Variants in BRF1 observed in about 807,000 individuals in gnomAD.
BRF1 encodes transcription factor IIIB 90 kDa subunit.
BRF1 carries 59 observed loss-of-function variants against 81.7 expected under a neutral mutation model. That is an observed-to-expected ratio of 0.72 (90% CI 0.59 to 0.90). BRF1 has a LOEUF of 0.90. Ranked by LOEUF, BRF1 falls within the 40% of genes least tolerant of loss-of-function variation. The pLI, the probability that BRF1 is intolerant of heterozygous loss-of-function variation, is 0.00. For synonymous variants in BRF1, 491 were observed against 395.6 expected, an observed-to-expected ratio of 1.24 and a Z score of -2.86; for missense variants, 1,050 against 936.3, an observed-to-expected ratio of 1.12 and a Z score of -1.58.
intron 7 of BRF1, chr14:105,228,083 T>C (rs1958048277): frequency 6.6e-6 from 1 of 152,094 alleles, no homozygotes; most frequent in Non-Finnish European, 1.5e-5. Flanking sequence ...CGCCACTCAT[T>C]TCACTGATGC....
chr14:105,224,802 C>A (rs1160991555), intron 10 of BRF1, among the ~76,000 whole-genome samples: 1 of 152,192 alleles, frequency 6.6e-6, no homozygotes, highest in Non-Finnish European at 1.5e-5. Context: ...GTATTTGCCT[C>A]CCAAAGTGCT....
At chr14:105,287,678 A>G (rs1372452121) in intron 1 of BRF1, among the ~76,000 whole-genome samples, 1 of 152,260 alleles carries the variant, frequency 6.6e-6, no homozygotes, top group African/African-American at 2.4e-5. Context: ...GGCAGCCACC[A>G]GCACAGACAA....
intron 15 of BRF1, among the ~76,000 whole-genome samples, chr14:105,216,523 G>A (rs1045979430): frequency 4.0e-5 from 6 of 151,554 alleles, no homozygotes; most frequent in Non-Finnish European, 7.4e-5. Context: ...GGGCTGAGAC[G>A]CCGGCTGAGA....
intron 2 of BRF1, among the ~76,000 whole-genome samples, chr14:105,283,660 A>AATCCT (rs1566863954): frequency 6.6e-6 from 1 of 152,240 alleles, no homozygotes; most frequent in Non-Finnish European, 1.5e-5. Context: ...GTTGGTTTCC[A>AATCCT]ATCCTATTGC....
At chr14:105,270,407 C>A (rs971963188) in intron 3 of BRF1, among the ~76,000 whole-genome samples, 3 of 151,932 alleles carry the variant, frequency 2.0e-5, no homozygotes, top group Non-Finnish European at 4.4e-5. Flanking sequence ...GATCTCCTGA[C>A]CTCGTGATCC....
At chr14:105,229,219 A>C (rs770550589) in intron 6 of BRF1, among the ~76,000 whole-genome samples, 1 of 152,232 alleles carries the variant, frequency 6.6e-6, no homozygotes, top group Non-Finnish European at 1.5e-5. Flanking sequence ...CTGTGCGGGA[A>C]ACACAGCTTG....
intron 2 of BRF1, among the ~76,000 whole-genome samples, chr14:105,282,156 G>A (rs926338172): frequency 2.0e-5 from 3 of 152,172 alleles, no homozygotes; most frequent in Non-Finnish European, 2.9e-5. Flanking sequence ...CACATTCCAT[G>A]GGGTGCCTGT....
At position 105,229,024 on chromosome 14, in the gene BRF1, A is replaced by G. The variant is rs190601772; in HGVS notation, c.695-111T>C. 5.7e-4 allele frequency: 561 copies of G among 976,790 alleles called. 1 individual carries two copies. In the African/African-American group the frequency reaches 7.7e-3, roughly 13 times the overall value. The allele number at this position is 976,790 out of a possible 1,614,324, so 60.5% of individuals were successfully genotyped here. The stretch of plus-strand genomic sequence containing the variant: ...CGGTCACGGAGATGATGGCCTGAGA[A>G]GACGTGTCTGTGCCAGGCAGTGAGA... On this transcript the variant is annotated intron_variant, in intron 6 of 17. Transcript: ENST00000547530.
upstream of BRF1, among the ~76,000 whole-genome samples, chr14:105,305,532 C>G (rs1266870230): frequency 1.3e-5 from 2 of 152,206 alleles, no homozygotes; most frequent in African/African-American, 2.4e-5. Context: ...GACACGGCAT[C>G]TGCCAGCACC....
chr14:105,249,550 C>A, intron 5 of BRF1: 1 of 1,592,588 alleles, frequency 6.3e-7, no homozygotes, highest in Non-Finnish European at 8.6e-7. Context: ...TGAAGGGAAG[C>A]ACACAGGAGC....
At chr14:105,229,061 C>T (rs1595330080) in intron 6 of BRF1, 148 bp from the exon 7 acceptor site, 1 of 729,706 alleles carries the variant, frequency 1.4e-6, no homozygotes, top group East Asian at 2.5e-5. Context: ...CCTCACTTGG[C>T]ATGGCTACTC....
chr14:105,250,747 A>G (rs1259663311), intron 5 of BRF1: 26 of 1,418,180 alleles, frequency 1.8e-5, no homozygotes, highest in Middle Eastern at 2.6e-4. Context: ...TCTTGACACC[A>G]TGAAAGGCTG....
intron 6 of BRF1, 85 bp downstream of exon 6, chr14:105,241,180 C>G: frequency 1.3e-6 from 2 of 1,562,854 alleles, no homozygotes. Context: ...AAACATACGG[C>G]CCAGCCCACC....
At chr14:105,245,872 T>C (rs1412804944) in intron 5 of BRF1, among the ~76,000 whole-genome samples, 1 of 152,202 alleles carries the variant, frequency 6.6e-6, no homozygotes, top group African/African-American at 2.4e-5. Flanking sequence ...CAATGATTTC[T>C]TGAACATGAC....
chr14:105,242,281 AC>A (rs1324759182), intron 5 of BRF1: 1 of 152,216 alleles, frequency 6.6e-6, no homozygotes, highest in Non-Finnish European at 1.5e-5. Flanking sequence ...CCCGCTGTGC[AC>A]CCACAACTAA....
At chr14:105,221,521 G>A in intron 11 of BRF1, 127 bp downstream of exon 11, 1 of 1,350,540 alleles carries the variant, frequency 7.4e-7, no homozygotes, top group Non-Finnish European at 9.8e-7. Context: ...CACCACCCAA[G>A]CCCACCGCCC....
At chr14:105,224,095 G>C (rs1892719372) in intron 10 of BRF1, among the ~76,000 whole-genome samples, 1 of 152,194 alleles carries the variant, frequency 6.6e-6, no homozygotes, top group Non-Finnish European at 1.5e-5. Context: ...ATCTGTAGCT[G>C]AGGCTGGCTC....
At chr14:105,296,875 G>A (rs1292719223) in intron 1 of BRF1, among the ~76,000 whole-genome samples, 1 of 152,070 alleles carries the variant, frequency 6.6e-6, no homozygotes, top group Admixed American at 6.6e-5. Flanking sequence ...TGTCCAGAGG[G>A]CCAGGCACGG....
At position 105,226,076 on chromosome 14, in the gene BRF1, T is replaced by C. The variant is rs761521553; in HGVS notation, c.1041A>G (p.Ala347=). 1.4e-5 allele frequency: 23 copies of C among 1,613,634 alleles called. No individual in the cohort carries two copies. Among genetic ancestry groups the C allele is most frequent in the African/African-American group, 1.3e-4 (10 of 74,936 alleles). Reference sequence around the variant, plus strand: ...CGGGCACAGTGGACTCACCATCTTTTGCCAGGCTGGCCAGGCCCCCCTTGG... The same window carrying C: ...CGGGCACAGTGGACTCACCATCTTTCGCCAGGCTGGCCAGGCCCCCCTTGG... The part of the protein sequence containing the change: ...PKAKGGLASL[A]KDGSTEDTAS... The change falls in exon 10 of 18, where the codon GCA becomes GCG. Residue 347 remains alanine (A), a synonymous_variant. Coordinates refer to ENST00000547530, the MANE Select transcript of BRF1 (RefSeq NM_001519.4).
Sources: allele counts gnomAD v4.1 joint callset (sites outside exome capture counted in the v4.1 genomes callset), GRCh38; gene constraint gnomAD v4.1.1; transcripts MANE v1.5; gene names NCBI Gene and HGNC (gene_info 2026-07-23, HGNC 2026-07-21).